Variants in ZEB1 observed in about 807,000 individuals in gnomAD.
The protein encoded by ZEB1 is zinc finger E-box binding homeobox 1, also known as zinc finger E-box-binding homeobox 1.
A neutral mutation model predicts 84.9 loss-of-function variants in ZEB1; 21 were observed. That is an observed-to-expected ratio of 0.25 (90% CI 0.18 to 0.36). The LOEUF (loss-of-function observed/expected upper bound fraction) is 0.36. Ranked by LOEUF, ZEB1 falls within the 10% of genes least tolerant of loss-of-function variation. The pLI, the probability that ZEB1 is intolerant of heterozygous loss-of-function variation, is 1.00. For synonymous variants in ZEB1, 420 were observed against 471.1 expected (o/e 0.89, Z 1.41); for missense variants, 1,104 against 1,330.2 (o/e 0.83, Z 2.65).
In ZEB1 at chr10:31,347,194, G is replaced by T. The variant is rs951816183; in HGVS notation, c.58+27902G>T. 1.1e-4 allele frequency among the ~76,000 whole-genome samples: 17 copies of T among 152,202 alleles called. No individual in the cohort carries two copies. In the East Asian group the frequency reaches 3.3e-3, roughly 29 times the overall value. ...ATGAATTGTGCAATGCCAGTTTAAAGAAACTAAAGCAATGTATTTCTTACA... is the reference window on the plus strand; with the variant it reads ...ATGAATTGTGCAATGCCAGTTTAAATAAACTAAAGCAATGTATTTCTTACA... On this transcript the variant is annotated intron_variant, in intron 1 of 8. Transcript: ENST00000424869.
intron 2 of ZEB1, among the ~76,000 whole-genome samples, chr10:31,484,551 C>T (rs1177962147): frequency 6.6e-6 from 1 of 151,934 alleles, no homozygotes; most frequent in Non-Finnish European, 1.5e-5. Context: ...TTCAACCAGG[C>T]GGTCTGAGTC....
chr10:31,360,945 G>A (rs1332999109), intron 1 of ZEB1: 17 of 1,596,340 alleles, frequency 1.1e-5, no homozygotes, highest in Admixed American at 3.3e-5. Flanking sequence ...TCTGGAGGAA[G>A]CAGCTAACTA....
At position 31,461,351 on chromosome 10, in the gene ZEB1, A is replaced by G. The variant is rs375345058; in HGVS notation, c.259+114A>G. 5.6e-5 allele frequency: 62 copies of G among 1,115,602 alleles called. 1 individual carries two copies. In the East Asian group the frequency reaches 1.3e-3, roughly 24 times the overall value. The allele number at this position is 1,115,602 out of a possible 1,614,324, so 69.1% of individuals were successfully genotyped here. Reference sequence around the variant, plus strand: ...TTTGAAATCAATAGTAAATTTGGCTATCAATAAATATTAGGTGTCCTACTT... The same window carrying G: ...TTTGAAATCAATAGTAAATTTGGCTGTCAATAAATATTAGGTGTCCTACTT... On this transcript the variant is annotated intron_variant, in intron 2 of 8. Coordinates refer to ENST00000424869, the MANE Select transcript of ZEB1 (RefSeq NM_001174096.2).
At chr10:31,462,550 G>A (rs1247030958) in intron 2 of ZEB1, among the ~76,000 whole-genome samples, 2 of 152,172 alleles carry the variant, frequency 1.3e-5, no homozygotes, top group Non-Finnish European at 2.9e-5. Flanking sequence ...CTTAAGGACC[G>A]ATGGAGGTTA....
intron 1 of ZEB1, among the ~76,000 whole-genome samples, chr10:31,404,058 A>G (rs546811088): frequency 6.6e-6 from 1 of 152,200 alleles, no homozygotes; most frequent in East Asian, 1.9e-4. Context: ...TCACCAAGTT[A>G]TAAAGATTCA....
At chr10:31,425,745 CTT>C (rs2056846990) in intron 1 of ZEB1, among the ~76,000 whole-genome samples, 1 of 151,992 alleles carries the variant, frequency 6.6e-6, no homozygotes, top group East Asian at 1.9e-4. Context: ...TTGATTTCCT[CTT>C]GTCTTATTTT....
At chr10:31,450,818 T>G (rs916403021) in intron 1 of ZEB1, among the ~76,000 whole-genome samples, 3 of 152,212 alleles carry the variant, frequency 2.0e-5, no homozygotes, top group Admixed American at 2.0e-4. Flanking sequence ...GTTTGCTTCA[T>G]TCTTTTAATT....
intron 1 of ZEB1, among the ~76,000 whole-genome samples, chr10:31,456,430 T>C (rs1420034661): frequency 3.9e-5 from 6 of 152,052 alleles, no homozygotes; most frequent in Non-Finnish European, 8.8e-5. Flanking sequence ...AAGGATGATA[T>C]TATGCTGTAA....
At chr10:31,509,904 C>A (rs544322396) in intron 4 of ZEB1, among the ~76,000 whole-genome samples, 3 of 152,236 alleles carry the variant, frequency 2.0e-5, no homozygotes, top group African/African-American at 7.2e-5. Flanking sequence ...AAATAAAGTT[C>A]ATTCAGTAAA....
chr10:31,398,923 T>G (rs2051346701), intron 1 of ZEB1, among the ~76,000 whole-genome samples: 1 of 152,132 alleles, frequency 6.6e-6, no homozygotes, highest in Non-Finnish European at 1.5e-5. Flanking sequence ...TTCACTCCCT[T>G]AGTGACTTCA....
chr10:31,444,992 A>G (rs917786987), intron 1 of ZEB1, among the ~76,000 whole-genome samples: 1 of 151,746 alleles, frequency 6.6e-6, no homozygotes. Context: ...TTGAATCTGT[A>G]AATTACCTTG....
In ZEB1 at chr10:31,520,949, A is replaced by G. The variant is rs1353645917; in HGVS notation, c.1617A>G (p.Pro539=). 2 of 1,614,000 alleles carry G rather than the reference A, an allele frequency of 1.2e-6. No homozygotes were observed. The highest frequency in any genetic ancestry group is 1.7e-5 in the Admixed American group (1 of 59,988). The change falls in exon 7 of 9, where the codon CCA becomes CCG. Residue 539 remains proline (P), a synonymous_variant. Transcript: ENST00000424869. The surrounding 1 kb of genome is among the most constrained non-coding windows in gnomAD (Gnocchi z 5.1). ...CTTGTCTTCTGTGTGATGATTGTCC[A>G]GGAGATATTAATGCACTTCCAGAAT... ...DSTCLLCDDC[P]GDINALPELK...
At chr10:31,327,153 C>CA (rs2035729452) in intron 1 of ZEB1, among the ~76,000 whole-genome samples, 1 of 142,600 alleles carries the variant, frequency 7.0e-6, no homozygotes, top group Non-Finnish European at 1.5e-5. Flanking sequence ...TCTTGTCACC[C>CA]AGGCTGGAGT....
intron 1 of ZEB1, among the ~76,000 whole-genome samples, chr10:31,373,611 T>C (rs2046100059): frequency 6.6e-6 from 1 of 151,910 alleles, no homozygotes; most frequent in Admixed American, 6.6e-5. Context: ...TTTGGTTTTT[T>C]ACTTTCATTA....
rs1437500395 is a variant in ZEB1, at chr10:31,520,593, G to T, written c.1261G>T (p.Val421Leu). Residue 421 changes from valine to leucine, a missense_variant, in exon 7 of 9, where the codon GTA (valine) becomes TTA (leucine). Around this residue, in one of 7 missense-constraint regions of ZEB1, gnomAD observed 531 missense variants for 575.2 expected, o/e 0.92. Transcript: ENST00000424869. This position sits in a 1 kb window ranked among gnomAD's most constrained non-coding sequence, Gnocchi z 5.1. ...SDIQNVLKVA[V>L]DGNVIRQVLE... ...TATTCAGAATGTACTTAAAGTGGCG[G>T]TAGATGGTAATGTAATAAGGCAAGT... is the stretch of plus-strand genomic sequence containing the variant. The T allele has an allele frequency of 4.0e-5, 64 of 1,613,998 alleles. No individual in the cohort carries two copies. Among genetic ancestry groups the T allele is most frequent in the Non-Finnish European group, 5.2e-5 (61 of 1,179,954 alleles).
intron 2 of ZEB1, among the ~76,000 whole-genome samples, chr10:31,473,395 A>C (rs1028244738): frequency 6.6e-6 from 1 of 151,864 alleles, no homozygotes; most frequent in South Asian, 2.1e-4. Context: ...AAAAATCACA[A>C]GCATTCTTAT....
chr10:31,433,469 A>G (rs12243482), intron 1 of ZEB1, among the ~76,000 whole-genome samples: 2,163 of 152,310 alleles, frequency 0.014, 51 homozygotes, highest in African/African-American at 0.049. Flanking sequence ...ATATCTGCCA[A>G]ATACTCAAAC....
chr10:31,464,912 CAACATGAA>C (rs1191814068), intron 2 of ZEB1, among the ~76,000 whole-genome samples: 3 of 152,008 alleles, frequency 2.0e-5, no homozygotes, highest in African/African-American at 7.2e-5. Flanking sequence ...CACTAATTAG[CAACATGAA>C]AACATGAAAG....
chr10:31,323,227 T>G (rs1564456356), intron 1 of ZEB1, among the ~76,000 whole-genome samples: 1 of 152,134 alleles, frequency 6.6e-6, no homozygotes, highest in African/African-American at 2.4e-5. Flanking sequence ...ATATTTATGT[T>G]GCATATTTAG....
Sources: allele counts gnomAD v4.1 joint callset (sites outside exome capture counted in the v4.1 genomes callset), GRCh38; gene constraint gnomAD v4.1.1; regional missense constraint gnomAD v4.1.1; non-coding constraint Gnocchi (gnomAD v3.1); transcripts MANE v1.5; gene names NCBI Gene and HGNC (gene_info 2026-07-23, HGNC 2026-07-21).